The following GPC6 variants were observed in gnomAD, a reference collection of about 807,000 sequenced individuals.
GPC6 encodes glypican-6.
Under a neutral mutation model 55.2 loss-of-function variants are expected in GPC6, and 14 were observed. That is an observed-to-expected ratio of 0.25 (90% CI 0.17 to 0.40). The LOEUF (loss-of-function observed/expected upper bound fraction) is 0.40, where lower values mean the gene tolerates loss of function less well. GPC6 is among the 10% of genes least tolerant of loss of function. The pLI is 1.00. For missense variants in GPC6, 641 were observed against 708.5 expected (o/e 0.90, Z 1.08); for synonymous variants, 278 against 259.6 (o/e 1.07, Z -0.68).
chr13:94,180,856 G>A (rs182616607), intron 4 of GPC6, among the ~76,000 whole-genome samples: 13 of 150,946 alleles, frequency 8.6e-5, no homozygotes, highest in African/African-American at 2.9e-4. Flanking sequence ...CTGTGCATAC[G>A]TGTGTATAAG....
chr13:94,264,015 T>C (rs890799072), intron 4 of GPC6, among the ~76,000 whole-genome samples: 5 of 152,152 alleles, frequency 3.3e-5, no homozygotes, highest in Non-Finnish European at 7.4e-5. Context: ...CATGGCAACC[T>C]ACCATCATCC....
At chr13:93,598,270 C>T (rs569159500) in intron 2 of GPC6, among the ~76,000 whole-genome samples, 4 of 152,258 alleles carry the variant, frequency 2.6e-5, no homozygotes, top group African/African-American at 7.2e-5. Context: ...GTTAACACAT[C>T]GAGTCCAGGC....
At chr13:94,008,034 T>A (rs1882090978) in intron 3 of GPC6, among the ~76,000 whole-genome samples, 1 of 152,160 alleles carries the variant, frequency 6.6e-6, no homozygotes, top group Admixed American at 6.5e-5. Flanking sequence ...TATCATAAAT[T>A]TTTTTTCTAG....
chr13:94,196,132 C>T (rs1889564974), intron 4 of GPC6, among the ~76,000 whole-genome samples: 1 of 150,848 alleles, frequency 6.6e-6, no homozygotes, highest in Admixed American at 6.6e-5. Context: ...TTGTCATTAT[C>T]AGAGGAAGCC....
chr13:93,640,818 T>C (rs1375478933), intron 2 of GPC6, among the ~76,000 whole-genome samples: 2 of 59,182 alleles, frequency 3.4e-5, no homozygotes, highest in East Asian at 7.3e-4. Flanking sequence ...CTTCCTTCTT[T>C]CCTTCCTTCC....
rs999220447 is a variant in GPC6, at chr13:94,031,109, C to CAT, written c.877+3216_877+3217dup. Among the ~76,000 whole-genome samples the CAT allele has an allele frequency of 5.9e-4, 84 of 142,572 alleles. 1 individual carries two copies. The East Asian group carries it at 0.017, about 28-fold the overall frequency. 93.5% of individuals were successfully genotyped at this position (142,572 alleles called of 152,430 possible). ...GTGTGTGTGCGTGTGTGTGTGCGTG[C>CAT]ATGTGTGTGTGTGTGTGTGTTCTTC... On this transcript the variant is annotated intron_variant, in intron 4 of 8. Coordinates refer to ENST00000377047, the MANE Select transcript of GPC6 (RefSeq NM_005708.5).
chr13:93,800,161 A>G (rs73549538), intron 2 of GPC6, among the ~76,000 whole-genome samples: 1,542 of 152,318 alleles, frequency 0.01, 22 homozygotes, highest in African/African-American at 0.036. Context: ...CTTACTCAAG[A>G]GTACATAACA....
chr13:93,696,380 A>T (rs1320713347), intron 2 of GPC6, among the ~76,000 whole-genome samples: 1 of 152,286 alleles, frequency 6.6e-6, no homozygotes. Context: ...CACATACTAA[A>T]TAAAGATAAG....
intron 1 of GPC6, among the ~76,000 whole-genome samples, chr13:93,364,355 A>C (rs571366580): frequency 1.3e-5 from 2 of 152,220 alleles, no homozygotes; most frequent in South Asian, 2.1e-4. Context: ...TATGTTATCT[A>C]TCCAGAGGAG....
intron 6 of GPC6, among the ~76,000 whole-genome samples, chr13:94,328,378 C>G (rs1310656437): frequency 1.3e-5 from 2 of 152,236 alleles, no homozygotes; most frequent in Non-Finnish European, 2.9e-5. Context: ...CTTAATTAGA[C>G]ATGTAAAATG....
chr13:93,726,100 TCATACACACACA>T (rs1436310543), intron 2 of GPC6, among the ~76,000 whole-genome samples: 21 of 93,724 alleles, frequency 2.2e-4, no homozygotes, highest in African/African-American at 8.2e-4. Flanking sequence ...ACTTTTTCCT[TCATACACACACA>T]CACACACACA....
intron 2 of GPC6, among the ~76,000 whole-genome samples, chr13:93,565,676 C>T (rs1297360471): frequency 6.6e-6 from 1 of 151,988 alleles, no homozygotes; most frequent in East Asian, 1.9e-4. Flanking sequence ...TTAATCCCAG[C>T]ACTTTGGGAG....
intron 1 of GPC6, among the ~76,000 whole-genome samples, chr13:93,231,378 T>TAC (rs56963430): frequency 0.024 from 485 of 19,992 alleles, 13 homozygotes; most frequent in Middle Eastern, 0.05. Context: ...TATATATATA[T>TAC]ACATATATAT....
rs149881520 is a variant in GPC6, at chr13:94,165,188, T to G, written c.878-121161T>G. ...ACGAGTGGATAAAGAAATTGTGATA[T>G]ATGTATGTGTGTGTGTGTGTATATA... On this transcript the variant is annotated intron_variant, in intron 4 of 8. Coordinates refer to ENST00000377047, the MANE Select transcript of GPC6 (RefSeq NM_005708.5). Among the ~76,000 whole-genome samples the G allele has an allele frequency of 7.3e-3, 1,078 of 148,508 alleles. 6 individuals carry two copies. Among genetic ancestry groups the G allele is most frequent in the African/African-American group, 0.017 (700 of 40,280 alleles).
intron 1 of GPC6, among the ~76,000 whole-genome samples, chr13:93,257,172 A>G (rs1876982371): frequency 6.6e-6 from 1 of 152,012 alleles, no homozygotes; most frequent in Non-Finnish European, 1.5e-5. Context: ...ATGATGGTAC[A>G]TGCTTGTAGT....
At chr13:94,385,463 A>G (rs1880360721) in intron 7 of GPC6, among the ~76,000 whole-genome samples, 1 of 152,196 alleles carries the variant, frequency 6.6e-6, no homozygotes, top group Admixed American at 6.5e-5. Context: ...TGGGAAAATG[A>G]TCCAGTTTAA....
At chr13:93,329,570 A>C (rs933680292) in intron 1 of GPC6, among the ~76,000 whole-genome samples, 1 of 152,212 alleles carries the variant, frequency 6.6e-6, no homozygotes. Context: ...ATTCAACTTT[A>C]TAAGTGAATA....
At chr13:93,836,601 C>A (rs1307787295) in intron 3 of GPC6, among the ~76,000 whole-genome samples, 1 of 152,092 alleles carries the variant, frequency 6.6e-6, no homozygotes, top group Non-Finnish European at 1.5e-5. Flanking sequence ...GAATAATTGG[C>A]AAGCCTTTTG....
intron 2 of GPC6, among the ~76,000 whole-genome samples, chr13:93,610,944 GAT>G (rs1274704481): frequency 6.6e-6 from 1 of 152,040 alleles, no homozygotes; most frequent in African/African-American, 2.4e-5. Context: ...GCAGATAAGA[GAT>G]ATCAGAAATT....
Sources: allele counts gnomAD v4.1 joint callset (sites outside exome capture counted in the v4.1 genomes callset), GRCh38; gene constraint gnomAD v4.1.1; transcripts MANE v1.5; gene names NCBI Gene and HGNC (gene_info 2026-07-23, HGNC 2026-07-21).